TMEM165: variants seen among roughly 807,000 people sequenced by gnomAD.
TMEM165 encodes transmembrane protein 165.
Under a neutral mutation model 30.0 loss-of-function variants are expected in TMEM165, and 19 were observed. The observed-to-expected ratio is 0.63, with a 90% CI of 0.44 to 0.93. The LOEUF is 0.93. Among genes scored for constraint, TMEM165 ranks in the 40% least tolerant of loss-of-function variants. The pLI is 0.00. For synonymous variants in TMEM165, 168 were observed against 162.9 expected, an observed-to-expected ratio of 1.03 and a Z score of -0.24; for missense variants, 340 against 417.0, an observed-to-expected ratio of 0.82 and a Z score of 1.61.
At chr4:55,439,980 G>A (rs1264413379) in intron 3 of TMEM165, among the ~76,000 whole-genome samples, 1 of 151,752 alleles carries the variant, frequency 6.6e-6, no homozygotes, top group African/African-American at 2.4e-5. Context: ...CGGTTAACAT[G>A]GTAACTTTTA....
chr4:55,408,579 G>T (rs1318963222), intron 1 of TMEM165, among the ~76,000 whole-genome samples: 2 of 152,028 alleles, frequency 1.3e-5, no homozygotes, highest in African/African-American at 2.4e-5. Flanking sequence ...CTGCATATTC[G>T]GCCCATCATT....
chr4:55,407,708 A>T (rs1413240726), intron 1 of TMEM165, among the ~76,000 whole-genome samples: 1 of 152,228 alleles, frequency 6.6e-6, no homozygotes, highest in Non-Finnish European at 1.5e-5. Flanking sequence ...TAGTTACCAG[A>T]ATCAAGTATT....
At chr4:55,430,728 A>G (rs1268144422), downstream of TMEM165, 3 of 152,308 alleles carry the variant, frequency 2.0e-5, no homozygotes, top group African/African-American at 4.8e-5. Flanking sequence ...ATATTCTAAA[A>G]TGTTACTAGC....
exon 4 of TMEM165, chr4:55,453,309 C>A: frequency 1.7e-6 from 1 of 591,556 alleles, no homozygotes; most frequent in Non-Finnish European, 3.0e-6. Context: ...TTCTAGGTAT[C>A]TTAAAGTTTC....
At chr4:55,403,998 A>G (rs577076323) in intron 1 of TMEM165, among the ~76,000 whole-genome samples, 91 of 149,824 alleles carry the variant, frequency 6.1e-4, no homozygotes, top group Middle Eastern at 3.5e-3. Flanking sequence ...TAACTTGACT[A>G]TTAGTTTCGT....
chr4:55,437,227 A>T (rs1299029694), intron 3 of TMEM165, among the ~76,000 whole-genome samples: 1 of 152,220 alleles, frequency 6.6e-6, no homozygotes, highest in Non-Finnish European at 1.5e-5. Flanking sequence ...AAAGGGTGAC[A>T]AATTAAGACT....
At position 55,424,643 on chromosome 4, in the gene TMEM165, G is replaced by A. The variant is rs1229572429; in HGVS notation, c.898G>A (p.Val300Met). Residue 300 changes from valine (V) to methionine (M), a missense_variant and splice_region_variant, in exon 5 of 6, where the codon GTG becomes ATG. Transcript: ENST00000381334. ...MIAQKISVRT[V>M]TIIGGIVFLA... ...AGCACAGAAAATCTCTGTCAGAACTGGTAAGTCTTGAAAATTACAAATCAG... is the reference window on the plus strand; with the variant it reads ...AGCACAGAAAATCTCTGTCAGAACTAGTAAGTCTTGAAAATTACAAATCAG... 6.4e-7 allele frequency: 1 copy of A among 1,574,772 alleles called. No individual in the cohort carries two copies.
intron 3 of TMEM165, among the ~76,000 whole-genome samples, chr4:55,436,892 C>CTTTTTT (rs35888413): frequency 6.1e-5 from 6 of 98,352 alleles, no homozygotes; most frequent in African/African-American, 1.8e-4. Flanking sequence ...TTTGGGATGC[C>CTTTTTT]TTTTTTTTTT....
At chr4:55,430,713 TTATTA>T (rs1722441186), downstream of TMEM165, 1 of 152,174 alleles carries the variant, frequency 6.6e-6, no homozygotes, top group Admixed American at 6.5e-5. Flanking sequence ...ATTCTTGAAA[TTATTA>T]TATTCTAAAA....
intron 5 of TMEM165, 131 bp downstream of exon 5, chr4:55,424,774 A>AATAG: frequency 1.8e-6 from 1 of 553,596 alleles, no homozygotes. Flanking sequence ...CATCTCTTAT[A>AATAG]GAGGTATTAA....
At chr4:55,419,498 C>T (rs987094079) in intron 4 of TMEM165, among the ~76,000 whole-genome samples, 4 of 152,046 alleles carry the variant, frequency 2.6e-5, no homozygotes, top group South Asian at 2.1e-4. Context: ...TTGTTCAATG[C>T]CACTTATTTA....
At chr4:55,453,395 C>A (rs1724641499) in exon 4 of TMEM165, 1 of 487,648 alleles carries the variant, frequency 2.1e-6, no homozygotes, top group Non-Finnish European at 3.6e-6. Flanking sequence ...GTATGCTTAT[C>A]TACCTACAGT....
intron 1 of TMEM165, among the ~76,000 whole-genome samples, chr4:55,400,221 T>TGTTA (rs1553884882): frequency 5.5e-5 from 6 of 109,820 alleles, no homozygotes; most frequent in Admixed American, 1.4e-4. Flanking sequence ...TTATATTATA[T>TGTTA]ATTAATATAT....
intron 3 of TMEM165, chr4:55,442,602 C>T: frequency 6.2e-7 from 1 of 1,612,684 alleles, no homozygotes; most frequent in Non-Finnish European, 8.5e-7. Flanking sequence ...GAGATGTTTG[C>T]TGACTGTGCC....
intron 3 of TMEM165, chr4:55,448,691 G>A (rs567877555): frequency 3.9e-6 from 4 of 1,027,720 alleles, no homozygotes; most frequent in Admixed American, 2.0e-5. Context: ...GTGCTTGCCA[G>A]CAAGCCTGGA....
At chr4:55,435,522 T>G (rs1577662271) in intron 3 of TMEM165, 2 of 1,614,010 alleles carry the variant, frequency 1.2e-6, no homozygotes, top group Non-Finnish European at 1.7e-6. Context: ...TGAGGGAAGG[T>G]GCTCTGTTGT....
At chr4:55,402,509 G>A (rs1450977184) in intron 1 of TMEM165, among the ~76,000 whole-genome samples, 3 of 122,278 alleles carry the variant, frequency 2.5e-5, no homozygotes, top group Admixed American at 9.3e-5. Flanking sequence ...GTGCAGTGGT[G>A]AGATCTTGGT....
chr4:55,400,679 G>A (rs964333870), intron 1 of TMEM165, among the ~76,000 whole-genome samples: 1 of 149,082 alleles, frequency 6.7e-6, no homozygotes, highest in African/African-American at 2.6e-5. Context: ...CTGGTGATCC[G>A]CCTGCCTCGG....
At chr4:55,428,748 C>A (rs545669496), downstream of TMEM165, 2 of 151,710 alleles carry the variant, frequency 1.3e-5, no homozygotes, top group Non-Finnish European at 2.9e-5. Flanking sequence ...TTAACAACTA[C>A]CAACTGATGT....
Sources: allele counts gnomAD v4.1 joint callset (sites outside exome capture counted in the v4.1 genomes callset), GRCh38; gene constraint gnomAD v4.1.1; transcripts MANE v1.5; gene names NCBI Gene and HGNC (gene_info 2026-07-23, HGNC 2026-07-21).